Variants in RADIL observed in about 807,000 individuals in gnomAD.
The protein encoded by RADIL is Rap associating with DIL domain.
In RADIL, 99 loss-of-function variants were observed where a neutral mutation model predicts 97.6. The ratio of observed to expected loss-of-function variants is 1.01; its 90% confidence interval spans 0.86 to 1.20. The LOEUF is 1.20. RADIL is among the 50% of genes most tolerant of loss of function. The pLI is 0.00. For synonymous variants in RADIL, 803 were observed against 691.8 expected, an observed-to-expected ratio of 1.16 and a Z score of -2.52; for missense variants, 1,765 against 1,498.9, an observed-to-expected ratio of 1.18 and a Z score of -2.93.
chr7:4,875,937 A>G (rs1041028031), intron 2 of RADIL, among the ~76,000 whole-genome samples: 1 of 152,082 alleles, frequency 6.6e-6, no homozygotes, highest in Non-Finnish European at 1.5e-5. Flanking sequence ...GGTGCAGGCA[A>G]TTGGGGGTGC....
chr7:4,840,513 A>C lies in RADIL; in HGVS notation c.536-3908T>G, dbSNP rs1250070239. 6.6e-6 allele frequency among the ~76,000 whole-genome samples: 1 copy of C among 152,124 alleles called. No individual in the cohort carries two copies. Among genetic ancestry groups the C allele is most frequent in the African/African-American group, 2.4e-5 (1 of 41,434 alleles). ...CAGACCCGGCAGCACACTGCTCAGG[A>C]AGGGTAGGCCAGGGCTTTGCAATTT... On this transcript the variant is annotated intron_variant, in intron 2 of 14. Transcript: ENST00000399583. The surrounding 1 kb of genome is among the most constrained non-coding windows in gnomAD (Gnocchi z 5.6).
chr7:4,820,719 C>T (rs1470105067), intron 6 of RADIL, among the ~76,000 whole-genome samples: 2 of 152,178 alleles, frequency 1.3e-5, no homozygotes, highest in African/African-American at 4.8e-5. Context: ...CCCCACCCCA[C>T]AACCTCATGG....
chr7:4,801,257 C>A (rs565414421), intron 12 of RADIL, among the ~76,000 whole-genome samples: 93 of 152,348 alleles, frequency 6.1e-4, no homozygotes, highest in Admixed American at 1.4e-3. Flanking sequence ...CACAAGCACA[C>A]AGGCACACAC....
rs1232990237 is a variant in RADIL at position 4,824,173 on chromosome 7, C to T, written c.1455-1619G>A. ...CCTGCTGCCTGCCCCATGGCTGGCC[C>T]GGGTACCCCTTGTCACCTGTGTCCC... On this transcript the variant is annotated intron_variant, in intron 5 of 14. Coordinates refer to ENST00000399583, the MANE Select transcript of RADIL (RefSeq NM_018059.5). The surrounding 1 kb of genome is among the most constrained non-coding windows in gnomAD (Gnocchi z 6.7). Among the ~76,000 whole-genome samples, 1 of 152,194 alleles carries T rather than the reference C, an allele frequency of 6.6e-6. No homozygotes were observed. The highest frequency in any genetic ancestry group is 2.4e-5 in the African/African-American group (1 of 41,456).
In RADIL at chr7:4,867,523, G is replaced by A. The variant is rs1784156892; in HGVS notation, c.535+10082C>T. On this transcript the variant is annotated intron_variant, in intron 2 of 14. Transcript: ENST00000399583. The surrounding 1 kb of genome is among the most constrained non-coding windows in gnomAD (Gnocchi z 4.1). ...AGGCCAGGTGTGGTGGCTCATGGCT[G>A]TAATCCCAGCACTTTGGGAGGCTGA... Among the ~76,000 whole-genome samples the A allele has an allele frequency of 6.6e-6, 1 of 152,176 alleles. No homozygotes were observed.
At chr7:4,806,181 A>G in intron 9 of RADIL, 1 of 645,480 alleles carries the variant, frequency 1.5e-6, no homozygotes, top group Non-Finnish European at 1.9e-6. Context: ...ACAGAGTCTC[A>G]TGCTGTCACG....
In RADIL at chr7:4,834,849, C is replaced by A; in HGVS notation, c.1174G>T (p.Ala392Ser). Residue 392 changes from alanine (A) to serine (S), a missense_variant, in exon 4 of 15, where the codon GCC (alanine) becomes TCC (serine). Transcript: ENST00000399583. The surrounding 1 kb of genome is among the most constrained non-coding windows in gnomAD (Gnocchi z 6.0). The part of the protein sequence containing the change: ...CGAALGARGA[A>S]SPTQAALPRR... ...GGCAGGGCGGCCTGAGTAGGGGAGGCGGCTCCCCGGGCCCCGAGCGCGGCC... is the reference window on the plus strand; with the variant it reads ...GGCAGGGCGGCCTGAGTAGGGGAGGAGGCTCCCCGGGCCCCGAGCGCGGCC... 5 of 1,316,698 alleles carry A rather than the reference C, an allele frequency of 3.8e-6. No individual in the cohort carries two copies. Among genetic ancestry groups the A allele is most frequent in the Non-Finnish European group, 4.8e-6 (5 of 1,032,266 alleles). The allele number at this position is 1,316,698 out of a possible 1,614,324, so 81.6% of individuals were successfully genotyped here.
At chr7:4,848,504 G>C (rs1422933228) in intron 2 of RADIL, among the ~76,000 whole-genome samples, 1 of 151,980 alleles carries the variant, frequency 6.6e-6, no homozygotes, top group African/African-American at 2.4e-5. Context: ...AGAGTGTTAA[G>C]GGAATGCGGA....
chr7:4,816,144 C>T, intron 8 of RADIL, 84 bp downstream of exon 8: 2 of 1,348,690 alleles, frequency 1.5e-6, no homozygotes, highest in South Asian at 2.6e-5. Flanking sequence ...GAGCCGCCTC[C>T]AGGAGCTGGC....
Position 4,822,555 on chromosome 7 carries a change from C to T in RADIL, c.1455-1G>A. The T allele has an allele frequency of 1.2e-6, 2 of 1,612,314 alleles. No homozygotes were observed. The highest frequency in any genetic ancestry group is 1.3e-5 in the African/African-American group (1 of 75,026). ...GCTGGCCAGCGAGATGGGCTCCTGG[C>T]TACCAAGACAGAAAGACTAAGAGTT... On this transcript the variant is annotated splice_acceptor_variant, in intron 5 of 14. Transcript: ENST00000399583. LOFTEE classifies it high-confidence loss of function. The surrounding 1 kb of genome is among the most constrained non-coding windows in gnomAD (Gnocchi z 5.3).
rs1783156617 is a variant in RADIL, at chr7:4,832,012, G to C, written c.1454+129C>G. On this transcript the variant is annotated intron_variant, in intron 5 of 14. Transcript: ENST00000399583. ...AAGAAGCAAAAAAGGCCGCTGCTTG[G>C]ATGGAAGGACAAAGCCCAGAGCTGA... 28 of 961,036 alleles carry C rather than the reference G, an allele frequency of 2.9e-5. No homozygotes were observed. In the South Asian group the frequency reaches 4.3e-4, roughly 15 times the overall value. The allele number at this position is 961,036 out of a possible 1,614,324, so 59.5% of individuals were successfully genotyped here. A position where few individuals can be genotyped will look rare whatever the true frequency, so the allele number is the denominator to read the frequency against.
At position 4,834,626 on chromosome 7, in the gene RADIL, A is replaced by G. The variant is rs748850052; in HGVS notation, c.1397T>C (p.Leu466Pro). The change falls in exon 4 of 15, where the codon CTG becomes CCG. Residue 466 changes from leucine (L) to proline (P), a missense_variant. Physicochemically the swap from Leu to Pro is moderately conservative, Grantham distance 98 (BLOSUM62 -3). Coordinates refer to ENST00000399583, the MANE Select transcript of RADIL (RefSeq NM_018059.5). The surrounding 1 kb of genome is among the most constrained non-coding windows in gnomAD (Gnocchi z 6.0). ...ACTGACCCAGACAGTCTCGCGGATC[A>G]GCCTGGCTATCTTGAGCAGGAGCTG... is the stretch of plus-strand genomic sequence containing the variant. ...FGQLLLKIAR[L>P]IRETVWEKTK... The G allele has an allele frequency of 7.4e-7, 1 of 1,346,284 alleles. No homozygotes were observed. The highest frequency in any genetic ancestry group is 9.6e-7 in the Non-Finnish European group (1 of 1,041,652). The allele number at this position is 1,346,284 out of a possible 1,614,324, so 83.4% of individuals were successfully genotyped here.
At chr7:4,811,299 G>A (rs1782537874) in intron 9 of RADIL, 1 of 152,046 alleles carries the variant, frequency 6.6e-6, no homozygotes, top group Non-Finnish European at 1.5e-5. Context: ...CTGAAATGTG[G>A]AGAGTTTGGG....
intron 2 of RADIL, among the ~76,000 whole-genome samples, chr7:4,844,426 A>G (rs1783521019): frequency 6.6e-6 from 1 of 152,154 alleles, no homozygotes; most frequent in South Asian, 2.1e-4. Context: ...GCCTGGCAAC[A>G]GAGTGAGACT....
At chr7:4,848,725 T>C (rs933990867) in intron 2 of RADIL, among the ~76,000 whole-genome samples, 1 of 152,066 alleles carries the variant, frequency 6.6e-6, no homozygotes, top group African/African-American at 2.4e-5. Flanking sequence ...GCAATAGGAA[T>C]TGGAAATTTG....
rs1562424684 is a variant in RADIL at position 4,801,828 on chromosome 7, G to GC, written c.2666dup (p.Ser890LeufsTer24). 1 of 1,604,838 alleles carries GC rather than the reference G, an allele frequency of 6.2e-7. No homozygotes were observed. The highest frequency in any genetic ancestry group is 1.1e-5 in the South Asian group (1 of 89,830). ...CCGTGTGCGGGGGGCCAGCCTGGGA[G>GC]CCCCCACGGCTGGGTTGCCTTCCAG... On this transcript the variant is annotated frameshift_variant, in exon 12 of 15. Coordinates refer to ENST00000399583, the MANE Select transcript of RADIL (RefSeq NM_018059.5). LOFTEE classifies it high-confidence loss of function.
intron 13 of RADIL, 147 bp from the exon 14 acceptor site, chr7:4,799,916 G>A: frequency 7.9e-7 from 1 of 1,272,748 alleles, no homozygotes; most frequent in Non-Finnish European, 1.0e-6. Context: ...CTCCAGAAAA[G>A]CAGTGGACAC....
chr7:4,869,044 C>G (rs1482596169), intron 2 of RADIL, among the ~76,000 whole-genome samples: 1 of 152,176 alleles, frequency 6.6e-6, no homozygotes, highest in African/African-American at 2.4e-5. Flanking sequence ...GGAGAATGGG[C>G]TGAACCCGAG....
intron 5 of RADIL, among the ~76,000 whole-genome samples, chr7:4,825,704 C>T (rs1021917503): frequency 5.3e-5 from 8 of 151,354 alleles, no homozygotes; most frequent in African/African-American, 9.7e-5. Flanking sequence ...GGTGAAACCC[C>T]GTCTCTATTA....
Sources: allele counts gnomAD v4.1 joint callset (sites outside exome capture counted in the v4.1 genomes callset), GRCh38; gene constraint gnomAD v4.1.1; non-coding constraint Gnocchi (gnomAD v3.1); transcripts MANE v1.5; gene names NCBI Gene and HGNC (gene_info 2026-07-23, HGNC 2026-07-21).